PID1: variants seen among roughly 807,000 people sequenced by gnomAD.
PID1 encodes phosphotyrosine interaction domain containing 1.
PID1 carries 10 observed loss-of-function variants against 19.1 expected under a neutral mutation model. The observed-to-expected ratio is 0.52, with a 90% CI of 0.32 to 0.89. The LOEUF is 0.89. Ranked by LOEUF, PID1 falls within the 40% of genes least tolerant of loss-of-function variation. The pLI is 0.03. For synonymous variants in PID1, 130 were observed against 116.0 expected, an observed-to-expected ratio of 1.12 and a Z score of -0.78; for missense variants, 248 against 285.3, an observed-to-expected ratio of 0.87 and a Z score of 0.94.
At chr2:229,247,812 G>T (rs1690043117) in intron 1 of PID1, among the ~76,000 whole-genome samples, 1 of 152,148 alleles carries the variant, frequency 6.6e-6, no homozygotes. Context: ...AGTTTACTTG[G>T]AAATAACCTC....
At chr2:229,228,178 C>G (rs1396546992) in intron 1 of PID1, 1 of 388,022 alleles carries the variant, frequency 2.6e-6, no homozygotes, top group African/African-American at 2.1e-5. Flanking sequence ...AAAACCGATA[C>G]AAGCAATTAT....
intron 2 of PID1, among the ~76,000 whole-genome samples, chr2:229,108,239 C>A (rs1208041774): frequency 6.6e-6 from 1 of 152,178 alleles, no homozygotes; most frequent in Non-Finnish European, 1.5e-5. Flanking sequence ...TAAAAATTAT[C>A]TTTTTCAGCT....
chr2:229,228,106 C>T lies in PID1; in HGVS notation c.30+42908G>A, dbSNP rs564365117. 2.2e-4 allele frequency: 101 copies of T among 453,036 alleles called. 1 individual carries two copies. The highest frequency in any genetic ancestry group is 1.5e-3 in the South Asian group (99 of 64,208). The allele number at this position is 453,036 out of a possible 1,614,324, so 28.1% of individuals were successfully genotyped here. ...ATGCGTGAGAATAAAGGTCAACACA[C>T]CAAATCCAAGAGAATCGAGATAAAG... On this transcript the variant is annotated intron_variant, in intron 1 of 2. Coordinates refer to ENST00000392055, the MANE Select transcript of PID1 (RefSeq NM_001100818.2).
chr2:229,069,633 C>T (rs983556243), intron 2 of PID1, among the ~76,000 whole-genome samples: 1 of 152,156 alleles, frequency 6.6e-6, no homozygotes, highest in Non-Finnish European at 1.5e-5. Flanking sequence ...TGTGTGAAGG[C>T]TTCTGTTAGA....
At chr2:229,147,069 T>C (rs1404239759) in intron 2 of PID1, among the ~76,000 whole-genome samples, 2 of 152,178 alleles carry the variant, frequency 1.3e-5, no homozygotes, top group Non-Finnish European at 2.9e-5. Context: ...CAAACCAGTA[T>C]GTCATTCTTT....
At chr2:229,163,674 T>TGTGTGTGTGCGCGC (rs374622113) in intron 1 of PID1, among the ~76,000 whole-genome samples, 5 of 94,488 alleles carry the variant, frequency 5.3e-5, no homozygotes, top group African/African-American at 1.5e-4. Context: ...TGTGTGTGTG[T>TGTGTGTGTGCGCGC]GCGTGTGCGT....
intron 1 of PID1, among the ~76,000 whole-genome samples, chr2:229,164,202 C>T (rs1273182307): frequency 1.3e-5 from 2 of 152,122 alleles, no homozygotes; most frequent in Non-Finnish European, 2.9e-5. Context: ...CAAATTCACT[C>T]CCATACATTA....
At chr2:229,128,406 G>A (rs1440870235) in intron 2 of PID1, among the ~76,000 whole-genome samples, 2 of 152,188 alleles carry the variant, frequency 1.3e-5, no homozygotes, top group African/African-American at 4.8e-5. Flanking sequence ...TCTCTGATGT[G>A]GGTATAACTG....
chr2:229,092,377 G>T (rs1373872439), intron 2 of PID1, among the ~76,000 whole-genome samples: 2 of 152,120 alleles, frequency 1.3e-5, no homozygotes. Flanking sequence ...AGGGGCATAG[G>T]CAACTCAACT....
At chr2:229,141,552 A>T (rs1286051505) in intron 2 of PID1, among the ~76,000 whole-genome samples, 1 of 152,110 alleles carries the variant, frequency 6.6e-6, no homozygotes, top group Non-Finnish European at 1.5e-5. Flanking sequence ...CACTTATTGC[A>T]GGCATACTAG....
At chr2:229,085,538 T>C (rs940370255) in intron 2 of PID1, among the ~76,000 whole-genome samples, 6 of 152,192 alleles carry the variant, frequency 3.9e-5, no homozygotes, top group African/African-American at 1.4e-4. Flanking sequence ...TTCTGAATCA[T>C]TTTAGAAGCT....
intron 2 of PID1, among the ~76,000 whole-genome samples, chr2:229,028,959 A>C (rs761161307): frequency 6.6e-6 from 1 of 152,148 alleles, no homozygotes; most frequent in Non-Finnish European, 1.5e-5. Flanking sequence ...CACTTATCAC[A>C]ACACAAGAAC....
chr2:229,071,915 A>G (rs888235056), intron 2 of PID1, among the ~76,000 whole-genome samples: 7 of 152,236 alleles, frequency 4.6e-5, no homozygotes, highest in Non-Finnish European at 8.8e-5. Flanking sequence ...AATGGAAATC[A>G]TTTTCTATGC....
intron 1 of PID1, among the ~76,000 whole-genome samples, chr2:229,189,046 C>T (rs1429758421): frequency 6.6e-6 from 1 of 152,112 alleles, no homozygotes; most frequent in African/African-American, 2.4e-5. Context: ...CTTAGGTTAC[C>T]CTTAAATCAT....
chr2:229,047,743 G>C (rs906541413), intron 2 of PID1, among the ~76,000 whole-genome samples: 2 of 152,126 alleles, frequency 1.3e-5, no homozygotes, highest in African/African-American at 4.8e-5. Context: ...TCATTTGTCC[G>C]GTGATTCACA....
intron 2 of PID1, among the ~76,000 whole-genome samples, chr2:229,059,889 A>G (rs1178252466): frequency 6.6e-6 from 1 of 152,196 alleles, no homozygotes. Context: ...CTGGTCATAT[A>G]CAGCTTATGT....
chr2:229,096,829 C>T (rs1218571655), intron 2 of PID1, among the ~76,000 whole-genome samples: 1 of 152,128 alleles, frequency 6.6e-6, no homozygotes, highest in East Asian at 1.9e-4. Context: ...GCAATGTGCC[C>T]TTGTAATAAT....
chr2:229,267,930 A>C (rs1690634955), intron 1 of PID1, among the ~76,000 whole-genome samples: 1 of 150,510 alleles, frequency 6.6e-6, no homozygotes, highest in African/African-American at 2.4e-5. Context: ...ACCTCCAAGA[A>C]AAAAAAAAAG....
chr2:229,102,186 C>A (rs963947558), intron 2 of PID1, among the ~76,000 whole-genome samples: 1 of 152,020 alleles, frequency 6.6e-6, no homozygotes, highest in Non-Finnish European at 1.5e-5. Flanking sequence ...TTCACAGAGA[C>A]CCATCCTAAA....
Sources: allele counts gnomAD v4.1 joint callset (sites outside exome capture counted in the v4.1 genomes callset), GRCh38; gene constraint gnomAD v4.1.1; transcripts MANE v1.5; gene names NCBI Gene and HGNC (gene_info 2026-07-23, HGNC 2026-07-21).